The following PCDHGB1 variants were observed in gnomAD, a reference collection of about 807,000 sequenced individuals.
PCDHGB1 encodes the protein protocadherin gamma subfamily B, 1.
In PCDHGB1, 34 loss-of-function variants were observed where a neutral mutation model predicts 56.6. The ratio of observed to expected loss-of-function variants is 0.60; its 90% CI spans 0.46 to 0.80. PCDHGB1 has a LOEUF of 0.80. Among genes scored for constraint, PCDHGB1 ranks in the 30% least tolerant of loss-of-function variants. The pLI is 0.00. For synonymous variants in PCDHGB1, 561 were observed against 505.9 expected (o/e 1.11, Z -1.46); for missense variants, 1,278 against 1,204.6 (o/e 1.06, Z -0.90).
At chr5:141,393,650 C>T in intron 1 of PCDHGB1, 2 of 1,613,904 alleles carry the variant, frequency 1.2e-6, no homozygotes, top group South Asian at 1.1e-5. Flanking sequence ...AAGTGGCATA[C>T]AAATTCCGGA....
At chr5:141,461,861 T>C (rs1445632008) in intron 1 of PCDHGB1, among the ~76,000 whole-genome samples, 8 of 152,182 alleles carry the variant, frequency 5.3e-5, no homozygotes, top group Middle Eastern at 3.4e-3. Flanking sequence ...TTTGCTCTTG[T>C]TGCCCAGGCT....
chr5:141,408,921 C>T (rs1228341286), intron 1 of PCDHGB1: 2 of 1,613,462 alleles, frequency 1.2e-6, no homozygotes, highest in African/African-American at 1.3e-5. Flanking sequence ...GATAACCCCC[C>T]GGTTTTCAGC....
rs1363891858 is a variant in PCDHGB1, at chr5:141,491,369, C to T, written c.2410-3438C>T. 8.7e-6 allele frequency: 14 copies of T among 1,614,110 alleles called. No homozygotes were observed. Among genetic ancestry groups the T allele is most frequent in the East Asian group, 2.2e-5 (1 of 44,866 alleles). On this transcript the variant is annotated intron_variant, in intron 1 of 3. Coordinates refer to ENST00000523390, the MANE Select transcript of PCDHGB1 (RefSeq NM_018922.3). The surrounding 1 kb of genome is among the most constrained non-coding windows in gnomAD (Gnocchi z 6.9). ...AGTCTCTTATCCCTAGTCACCTTCACCTTTCTGTCAGCGAAGTGCCTTCAG... is the reference window on the plus strand; with the variant it reads ...AGTCTCTTATCCCTAGTCACCTTCATCTTTCTGTCAGCGAAGTGCCTTCAG...
Position 141,510,946 on chromosome 5 carries a change from GA to G in PCDHGB1, c.2559del (p.Ala854LeufsTer17). The G allele has an allele frequency of 6.2e-7, 1 of 1,614,128 alleles. No homozygotes were observed. ...LQAMILASAS[E>X]AADGSSTLGG... ...CACCTGATCTTCCTCTGTCTCTGCA[GA>G]AGCTGCTGATGGGAGCTCCACCCTG... On this transcript the variant is annotated frameshift_variant and splice_region_variant, in exon 4 of 4. Coordinates refer to ENST00000523390, the MANE Select transcript of PCDHGB1 (RefSeq NM_018922.3). LOFTEE classifies it high-confidence loss of function.
At chr5:141,398,910 G>A (rs1465229535) in intron 1 of PCDHGB1, 1 of 1,613,972 alleles carries the variant, frequency 6.2e-7, no homozygotes, top group South Asian at 1.1e-5. Flanking sequence ...GCACCACTGT[G>A]TTGCAAGTGT....
At chr5:141,415,701 T>C in intron 1 of PCDHGB1, 2 of 1,506,520 alleles carry the variant, frequency 1.3e-6, no homozygotes, top group Non-Finnish European at 1.8e-6. Context: ...AAAGTGTAAA[T>C]GCTAAAACAC....
chr5:141,501,331 A>T (rs1024837974), intron 2 of PCDHGB1, among the ~76,000 whole-genome samples: 2 of 138,846 alleles, frequency 1.4e-5, no homozygotes, highest in Non-Finnish European at 1.6e-5. Flanking sequence ...ACACACACAC[A>T]CACCCCAAAC....
chr5:141,366,145 CT>C, intron 1 of PCDHGB1: 1 of 1,614,192 alleles, frequency 6.2e-7, no homozygotes, highest in East Asian at 2.2e-5. Flanking sequence ...CCTGGCTGTC[CT>C]ACCGCCTGCT....
At chr5:141,405,442 CAG>C in intron 1 of PCDHGB1, 1 of 1,378,150 alleles carries the variant, frequency 7.3e-7, no homozygotes, top group South Asian at 1.3e-5. Context: ...GTTTTTGAGA[CAG>C]AGTCTTACTC....
chr5:141,393,792 C>T, intron 1 of PCDHGB1: 1 of 1,613,908 alleles, frequency 6.2e-7, no homozygotes, highest in Non-Finnish European at 8.5e-7. Context: ...TGTGGGGGCA[C>T]TTCTGGGGAG....
intron 1 of PCDHGB1, among the ~76,000 whole-genome samples, chr5:141,382,133 T>A (rs1420684997): frequency 6.6e-6 from 1 of 152,068 alleles, no homozygotes; most frequent in Non-Finnish European, 1.5e-5. Context: ...TGGCCCCCCC[T>A]CTCATTTTTT....
intron 1 of PCDHGB1, chr5:141,361,840 C>A (rs138456654): frequency 0.025 from 40,619 of 1,612,726 alleles, 619 homozygotes; most frequent in African/African-American, 0.058. Flanking sequence ...CGCGCTGGGG[C>A]CTGATGGCTC....
intron 1 of PCDHGB1, chr5:141,361,248 G>T (rs376049174): frequency 6.2e-7 from 1 of 1,613,958 alleles, no homozygotes; most frequent in Non-Finnish European, 8.5e-7. Flanking sequence ...TGATAAAAAC[G>T]AGAGACAGAG....
At position 141,491,910 on chromosome 5, in the gene PCDHGB1, G is replaced by T. The variant is rs946745903; in HGVS notation, c.2410-2897G>T. On this transcript the variant is annotated intron_variant, in intron 1 of 3. Coordinates refer to ENST00000523390, the MANE Select transcript of PCDHGB1 (RefSeq NM_018922.3). This position sits in a 1 kb window ranked among gnomAD's most constrained non-coding sequence, Gnocchi z 6.9. ...GGCTCCGAGCACCGGGGGTGGTGGC[G>T]ACTGTGGGCGAGGGGAGGTGGGACC... 3.6e-6 allele frequency: 5 copies of T among 1,406,946 alleles called. No individual in the cohort carries two copies. Among genetic ancestry groups the T allele is most frequent in the Non-Finnish European group, 4.7e-6 (5 of 1,059,702 alleles). 87.2% of individuals were successfully genotyped at this position (1,406,946 alleles called of 1,614,324 possible).
At chr5:141,473,002 GAA>G (rs2099311273) in intron 1 of PCDHGB1, among the ~76,000 whole-genome samples, 1 of 143,872 alleles carries the variant, frequency 7.0e-6, no homozygotes, top group East Asian at 2.0e-4. Flanking sequence ...AAAAAAGAAA[GAA>G]AAAGAAAAAG....
intron 1 of PCDHGB1, among the ~76,000 whole-genome samples, chr5:141,425,325 A>G (rs1371591408): frequency 6.6e-6 from 1 of 152,240 alleles, no homozygotes. Context: ...ATCGTGGAGA[A>G]CAAAAAGGAA....
chr5:141,365,411 C>T (rs1763897064), intron 1 of PCDHGB1: 1 of 1,613,994 alleles, frequency 6.2e-7, no homozygotes, highest in South Asian at 1.1e-5. Context: ...TGAAGACTGT[C>T]TTCCCGGAAC....
intron 1 of PCDHGB1, among the ~76,000 whole-genome samples, chr5:141,451,435 G>T (rs947210577): frequency 6.6e-6 from 1 of 152,234 alleles, no homozygotes; most frequent in Non-Finnish European, 1.5e-5. Flanking sequence ...AAGGGTTCCA[G>T]TTCCTTGCTG....
In PCDHGB1 at chr5:141,356,738, T is replaced by C; in HGVS notation, c.2409+4069T>C. On this transcript the variant is annotated intron_variant, in intron 1 of 3. Transcript: ENST00000523390. ...GTCTCCATCAACTCCAATACAGGGA[T>C]CCTATATGCTCTTTGCTCCTTCGAC... 1 of 1,613,924 alleles carries C rather than the reference T, an allele frequency of 6.2e-7. No individual in the cohort carries two copies. Among genetic ancestry groups the C allele is most frequent in the Non-Finnish European group, 8.5e-7 (1 of 1,179,848 alleles).
Sources: gnomAD v4.1 joint callset for allele counts (sites outside exome capture counted in the v4.1 genomes callset) on GRCh38, gnomAD v4.1.1 for gene constraint, Gnocchi (gnomAD v3.1) non-coding constraint, MANE v1.5 for transcripts, NCBI Gene and HGNC (gene_info 2026-07-23, HGNC 2026-07-21) for gene names.